TBX15: variants seen among roughly 807,000 people sequenced by gnomAD.
The protein encoded by TBX15 is T-box transcription factor 15.
Under a neutral mutation model 53.9 loss-of-function variants are expected in TBX15, and 18 were observed. That is an observed-to-expected ratio of 0.33 (90% CI 0.23 to 0.49). The LOEUF (loss-of-function observed/expected upper bound fraction) is 0.49, where lower values mean the gene tolerates loss of function less well. TBX15 is among the 20% of genes least tolerant of loss of function. The pLI is 0.98. For synonymous variants in TBX15, 295 were observed against 278.0 expected (o/e 1.06, Z -0.61); for missense variants, 692 against 749.5 (o/e 0.92, Z 0.90).
chr1:118,919,688 T>C (rs928385463), intron 5 of TBX15, among the ~76,000 whole-genome samples: 5 of 152,322 alleles, frequency 3.3e-5, no homozygotes, highest in Middle Eastern at 3.4e-3. Context: ...ATATATTCAG[T>C]GCTATGCAAT....
At chr1:118,894,522 G>A (rs1038450733) in intron 7 of TBX15, among the ~76,000 whole-genome samples, 1 of 152,160 alleles carries the variant, frequency 6.6e-6, no homozygotes, top group African/African-American at 2.4e-5. Flanking sequence ...ATTTCTACAT[G>A]AGGAATGGCT....
At chr1:118,940,970 T>G (rs1201989536) in intron 1 of TBX15, among the ~76,000 whole-genome samples, 2 of 149,810 alleles carry the variant, frequency 1.3e-5, no homozygotes, top group African/African-American at 5.1e-5. Flanking sequence ...CCTTCAAAAG[T>G]TCATTCTGAT....
intron 1 of TBX15, among the ~76,000 whole-genome samples, chr1:118,963,878 T>C (rs1193460335): frequency 6.6e-6 from 1 of 152,200 alleles, no homozygotes; most frequent in African/African-American, 2.4e-5. Context: ...CCTGTCCTCT[T>C]AGAACACATG....
intron 1 of TBX15, among the ~76,000 whole-genome samples, chr1:118,933,217 C>A (rs992221378): frequency 1.3e-5 from 2 of 152,110 alleles, no homozygotes; most frequent in African/African-American, 4.8e-5. Context: ...GCATCTCTGG[C>A]AAGAATATCT....
chr1:118,966,143 G>A (rs903724750), intron 1 of TBX15, among the ~76,000 whole-genome samples: 1 of 152,156 alleles, frequency 6.6e-6, no homozygotes, highest in African/African-American at 2.4e-5. Flanking sequence ...AGAAACTGGG[G>A]CCAACACAAT....
intron 7 of TBX15, among the ~76,000 whole-genome samples, chr1:118,888,706 G>A (rs1432846178): frequency 6.6e-6 from 1 of 152,182 alleles, no homozygotes. Flanking sequence ...CTGATCTGGT[G>A]TTTATGTGGT....
chr1:118,960,851 C>T (rs963001433), intron 1 of TBX15, among the ~76,000 whole-genome samples: 1 of 152,184 alleles, frequency 6.6e-6, no homozygotes, highest in Admixed American at 6.5e-5. Context: ...GTCAACACAG[C>T]AGTGGCTCAA....
chr1:118,963,961 G>A (rs921840237), intron 1 of TBX15, among the ~76,000 whole-genome samples: 4 of 152,264 alleles, frequency 2.6e-5, no homozygotes, highest in Non-Finnish European at 4.4e-5. Flanking sequence ...GGAGAAGAAC[G>A]GTGGAGACCA....
intron 6 of TBX15, among the ~76,000 whole-genome samples, chr1:118,911,384 G>T (rs1655021631): frequency 2.6e-5 from 4 of 152,124 alleles, no homozygotes; most frequent in African/African-American, 9.7e-5. Flanking sequence ...CTGTGAAATG[G>T]ATTAACGAAG....
At chr1:118,931,227 C>A (rs1021096872) in intron 2 of TBX15, among the ~76,000 whole-genome samples, 1 of 152,134 alleles carries the variant, frequency 6.6e-6, no homozygotes, top group African/African-American at 2.4e-5. Context: ...ACTACAAAAG[C>A]ATTGTTGCTT....
intron 6 of TBX15, among the ~76,000 whole-genome samples, chr1:118,902,145 T>C (rs1411925559): frequency 6.6e-6 from 1 of 152,108 alleles, no homozygotes; most frequent in African/African-American, 2.4e-5. Flanking sequence ...ATTGGTCTCA[T>C]AGATTTATAT....
chr1:118,982,492 T>C (rs185865398), intron 1 of TBX15, among the ~76,000 whole-genome samples: 52 of 152,348 alleles, frequency 3.4e-4, no homozygotes, highest in African/African-American at 1.2e-3. Context: ...CCCTTTCTCC[T>C]TGTGGCCTAA....
intron 6 of TBX15, among the ~76,000 whole-genome samples, chr1:118,907,524 T>A (rs550726211): frequency 1.3e-5 from 2 of 152,248 alleles, no homozygotes; most frequent in African/African-American, 4.8e-5. Context: ...TCACATCAGA[T>A]GTGGGATGAA....
rs541824056 is a variant in TBX15, at chr1:118,982,020, G to C, written c.205+5571C>G. ...GTATCTCAAAAGGTCAAAACATAAAGCTCAGATGGGAAAATCATTTAAGTA... is the reference window on the plus strand; with the variant it reads ...GTATCTCAAAAGGTCAAAACATAAACCTCAGATGGGAAAATCATTTAAGTA... On this transcript the variant is annotated intron_variant, in intron 1 of 7. Transcript: ENST00000369429. Among the ~76,000 whole-genome samples the C allele has an allele frequency of 2.2e-3, 337 of 152,284 alleles. 1 individual carries two copies. Among genetic ancestry groups the C allele is most frequent in the African/African-American group, 7.8e-3 (326 of 41,562 alleles).
At chr1:118,938,970 C>T (rs1656055146) in intron 1 of TBX15, among the ~76,000 whole-genome samples, 1 of 152,076 alleles carries the variant, frequency 6.6e-6, no homozygotes, top group East Asian at 1.9e-4. Context: ...ATGGCATCAA[C>T]CCAGGTGCCT....
chr1:118,980,174 A>G (rs182990476), intron 1 of TBX15, among the ~76,000 whole-genome samples: 2 of 152,236 alleles, frequency 1.3e-5, no homozygotes, highest in African/African-American at 4.8e-5. Context: ...GTGGAGGAAA[A>G]TTGGGGGAGG....
chr1:118,891,889 C>T (rs760518075), intron 7 of TBX15, among the ~76,000 whole-genome samples: 8 of 152,124 alleles, frequency 5.3e-5, no homozygotes, highest in South Asian at 2.1e-4. Context: ...TTTTGCTTTG[C>T]CATTTGGGTT....
intron 1 of TBX15, among the ~76,000 whole-genome samples, chr1:118,942,246 A>G (rs1656201034): frequency 6.6e-6 from 1 of 152,184 alleles, no homozygotes; most frequent in African/African-American, 2.4e-5. Context: ...AATCTACCAA[A>G]TGTATTTAGA....
At chr1:118,917,762 G>A (rs763182952) in intron 5 of TBX15, among the ~76,000 whole-genome samples, 2 of 152,026 alleles carry the variant, frequency 1.3e-5, no homozygotes, top group Admixed American at 6.6e-5. Flanking sequence ...TCTCTATCCA[G>A]CACCCCATTT....
Sources: gnomAD v4.1 joint callset for allele counts (sites outside exome capture counted in the v4.1 genomes callset) on GRCh38, gnomAD v4.1.1 for gene constraint, MANE v1.5 for transcripts, NCBI Gene and HGNC (gene_info 2026-07-23, HGNC 2026-07-21) for gene names.